YIPF7: variants seen among roughly 807,000 people sequenced by gnomAD.
YIPF7 encodes the protein Yip1 domain family member 7.
A neutral mutation model predicts 27.2 loss-of-function variants in YIPF7; 35 were observed. That is an observed-to-expected ratio of 1.29 (90% CI 0.98 to 1.70). The LOEUF (loss-of-function observed/expected upper bound fraction) is 1.70. Ranked by LOEUF, YIPF7 falls within the 40% of genes most tolerant of loss-of-function variation. YIPF7 has a pLI of 0.00. For missense variants in YIPF7, 358 were observed against 303.7 expected (o/e 1.18, Z -1.33); for synonymous variants, 137 against 110.4 (o/e 1.24, Z -1.51).
At chr4:44,657,241 G>A (rs1713925387) in intron 2 of YIPF7, among the ~76,000 whole-genome samples, 2 of 152,124 alleles carry the variant, frequency 1.3e-5, no homozygotes. Context: ...GACAGGAGAA[G>A]CTAATGACTT....
At chr4:44,647,895 G>GTT (rs1250655315) in intron 2 of YIPF7, among the ~76,000 whole-genome samples, 1 of 149,634 alleles carries the variant, frequency 6.7e-6, no homozygotes, top group Non-Finnish European at 1.5e-5. Flanking sequence ...TGTGTGTGTG[G>GTT]ATGTGTGTGT....
At chr4:44,658,945 G>A (rs955277866) in intron 2 of YIPF7, among the ~76,000 whole-genome samples, 2 of 152,126 alleles carry the variant, frequency 1.3e-5, no homozygotes, top group African/African-American at 2.4e-5. Context: ...AATTCAAGAA[G>A]AGATTTGGGC....
At chr4:44,661,972 C>G (rs13145124) in intron 1 of YIPF7, among the ~76,000 whole-genome samples, 82,510 of 151,620 alleles carry the variant, frequency 0.54, 23,370 homozygotes, top group Non-Finnish European at 0.64. Flanking sequence ...CAGCCTTTTT[C>G]TCTTTAATGC....
chr4:44,654,595 C>G (rs1263312031), upstream of YIPF7, among the ~76,000 whole-genome samples: 1 of 151,948 alleles, frequency 6.6e-6, no homozygotes, highest in African/African-American at 2.4e-5. Flanking sequence ...CTTGACCTTT[C>G]TTCTCAGGAT....
At chr4:44,633,331 A>G (rs1048941805) in intron 3 of YIPF7, among the ~76,000 whole-genome samples, 7 of 152,234 alleles carry the variant, frequency 4.6e-5, no homozygotes, top group Non-Finnish European at 8.8e-5. Flanking sequence ...AAGACATGTT[A>G]GAGGAGGATG....
upstream of YIPF7, among the ~76,000 whole-genome samples, chr4:44,655,547 A>G (rs76630349): frequency 0.06 from 9,156 of 152,066 alleles, 321 homozygotes; most frequent in East Asian, 0.15. Flanking sequence ...AGAGCTGCCA[A>G]TAAACCAAAA....
At chr4:44,660,123 A>AAAAAAAAAAAAAAAAAAAC (rs1560332839) in intron 2 of YIPF7, among the ~76,000 whole-genome samples, 1 of 145,738 alleles carries the variant, frequency 6.9e-6, no homozygotes, top group Non-Finnish European at 1.5e-5. Context: ...CAAAAAAAAA[A>AAAAAAAAAAAAAAAAAAAC]AAAAAAAAAA....
intron 4 of YIPF7, chr4:44,629,104 CTA>C (rs1398983780): frequency 3.5e-5 from 8 of 229,304 alleles, no homozygotes; most frequent in African/African-American, 1.1e-4. Flanking sequence ...TCTCCCAAAT[CTA>C]TGTTTTCCTT....
At chr4:44,656,000 G>T (rs1255409532), upstream of YIPF7, among the ~76,000 whole-genome samples, 1 of 151,896 alleles carries the variant, frequency 6.6e-6, no homozygotes, top group Non-Finnish European at 1.5e-5. Flanking sequence ...TTTTAATTTG[G>T]CTATTTCTTC....
chr4:44,629,428 A>G lies in YIPF7; in HGVS notation c.401T>C (p.Val134Ala). The G allele has an allele frequency of 6.3e-7, 1 of 1,597,688 alleles. No homozygotes were observed. The highest frequency in any genetic ancestry group is 1.1e-5 in the South Asian group (1 of 87,660). ...TDLTGPILFC[V>A]ALGATLLLAG... ...CAGAAGCAAGGTGGCTCCCAGGGCT[A>G]CGCAAAAAAGAATGGGTCCAGTGAG... is the stretch of plus-strand genomic sequence containing the variant. Residue 134 changes from valine to alanine, a missense_variant, in exon 4 of 6, where the codon GTA becomes GCA. Val to Ala is a moderately conservative substitution (Grantham distance 64). Transcript: ENST00000415895.
intron 4 of YIPF7, among the ~76,000 whole-genome samples, chr4:44,627,581 G>A (rs2109577978): frequency 6.6e-6 from 1 of 152,248 alleles, no homozygotes; most frequent in Non-Finnish European, 1.5e-5. Flanking sequence ...TATTCAATTG[G>A]AGTTTTTGGG....
At chr4:44,642,656 C>T (rs1418260234) in intron 2 of YIPF7, among the ~76,000 whole-genome samples, 3 of 152,148 alleles carry the variant, frequency 2.0e-5, no homozygotes, top group Non-Finnish European at 2.9e-5. Context: ...GGGGCAATTT[C>T]TCATGAATGG....
intron 2 of YIPF7, among the ~76,000 whole-genome samples, chr4:44,636,538 C>T (rs373567117): frequency 2.6e-5 from 4 of 152,178 alleles, no homozygotes; most frequent in African/African-American, 9.7e-5. Flanking sequence ...TCTTCAGGGA[C>T]AGTCTCCAGC....
At chr4:44,646,857 G>C (rs1459369190) in intron 2 of YIPF7, among the ~76,000 whole-genome samples, 1 of 152,088 alleles carries the variant, frequency 6.6e-6, no homozygotes, top group Non-Finnish European at 1.5e-5. Context: ...GAAGCTGAAT[G>C]ACTGATTATA....
At chr4:44,648,867 A>G (rs1713623780) in intron 2 of YIPF7, among the ~76,000 whole-genome samples, 1 of 152,214 alleles carries the variant, frequency 6.6e-6, no homozygotes, top group Admixed American at 6.5e-5. Flanking sequence ...TGCCAAAGCC[A>G]GAATTTGAAC....
chr4:44,645,063 T>G (rs577858862), intron 2 of YIPF7, among the ~76,000 whole-genome samples: 3 of 152,302 alleles, frequency 2.0e-5, no homozygotes, highest in Non-Finnish European at 4.4e-5. Flanking sequence ...CCATGCTTCC[T>G]CTACAGCCTG....
chr4:44,645,651 C>T (rs1309699144), intron 2 of YIPF7, among the ~76,000 whole-genome samples: 1 of 152,094 alleles, frequency 6.6e-6, no homozygotes, highest in African/African-American at 2.4e-5. Flanking sequence ...ATTCAGCACA[C>T]TATTACAGAT....
intron 3 of YIPF7, among the ~76,000 whole-genome samples, chr4:44,630,758 C>T (rs1712860103): frequency 6.6e-6 from 1 of 152,118 alleles, no homozygotes; most frequent in Non-Finnish European, 1.5e-5. Flanking sequence ...AAAGCAAATA[C>T]TTAGCCATTT....
At chr4:44,632,975 CA>C (rs1232594961) in intron 3 of YIPF7, among the ~76,000 whole-genome samples, 2 of 152,200 alleles carry the variant, frequency 1.3e-5, no homozygotes, top group Non-Finnish European at 2.9e-5. Flanking sequence ...GAGCAGTGGG[CA>C]GTGGGCGAAC....
Sources: allele counts gnomAD v4.1 joint callset (sites outside exome capture counted in the v4.1 genomes callset), GRCh38; gene constraint gnomAD v4.1.1; transcripts MANE v1.5; gene names NCBI Gene and HGNC (gene_info 2026-07-23, HGNC 2026-07-21).